EXOC6B: variants seen among roughly 807,000 people sequenced by gnomAD.
The protein encoded by EXOC6B is SEC15 homolog B.
EXOC6B carries 54 observed loss-of-function variants against 113.5 expected under a neutral mutation model. The observed-to-expected ratio is 0.48, with a 90% CI of 0.38 to 0.60. The LOEUF (loss-of-function observed/expected upper bound fraction) is 0.60. Among genes scored for constraint, EXOC6B ranks in the 20% least tolerant of loss-of-function variants. EXOC6B has a pLI of 0.00. For synonymous variants in EXOC6B, 357 were observed against 339.0 expected, an observed-to-expected ratio of 1.05 and a Z score of -0.58; for missense variants, 797 against 977.5, an observed-to-expected ratio of 0.82 and a Z score of 2.46.
intron 8 of EXOC6B, among the ~76,000 whole-genome samples, chr2:72,539,993 T>G (rs1030251030): frequency 7.7e-6 from 1 of 130,544 alleles, no homozygotes; most frequent in African/African-American, 2.9e-5. Flanking sequence ...TTCCCCTTCC[T>G]GTGTCCACGT....
chr2:72,669,453 G>A (rs944887373), intron 6 of EXOC6B, among the ~76,000 whole-genome samples: 4 of 151,324 alleles, frequency 2.6e-5, no homozygotes, highest in African/African-American at 7.3e-5. Context: ...ATGCTTCAGC[G>A]CTCCAAAAAC....
At chr2:72,412,995 G>C (rs56109129) in intron 18 of EXOC6B, among the ~76,000 whole-genome samples, 32,329 of 151,354 alleles carry the variant, frequency 0.21, 6,571 homozygotes, top group African/African-American at 0.54. Context: ...GTCTCGCTCT[G>C]TCACCCAGGC....
intron 1 of EXOC6B, among the ~76,000 whole-genome samples, chr2:72,813,139 G>C (rs1686016759): frequency 6.6e-6 from 1 of 152,138 alleles, no homozygotes; most frequent in Non-Finnish European, 1.5e-5. Flanking sequence ...ACCCAGCCTA[G>C]AGTACAGTGG....
At chr2:72,501,133 A>T (rs915103971) in intron 11 of EXOC6B, among the ~76,000 whole-genome samples, 10 of 152,154 alleles carry the variant, frequency 6.6e-5, no homozygotes, top group African/African-American at 2.2e-4. Context: ...AAACTTTTTA[A>T]TGCTTTGTCA....
chr2:72,662,801 C>G (rs148508581), intron 6 of EXOC6B, among the ~76,000 whole-genome samples: 5 of 152,116 alleles, frequency 3.3e-5, no homozygotes, highest in Middle Eastern at 3.4e-3. Flanking sequence ...CGCAGTGGCA[C>G]GATCTCAGCT....
intron 11 of EXOC6B, among the ~76,000 whole-genome samples, chr2:72,501,114 C>T (rs747092572): frequency 8.9e-4 from 136 of 152,216 alleles, no homozygotes; most frequent in Non-Finnish European, 1.5e-3. Flanking sequence ...CTCCTATAAA[C>T]ATAGTATAAA....
At chr2:72,744,436 A>G (rs181649596) in intron 1 of EXOC6B, among the ~76,000 whole-genome samples, 111 of 152,312 alleles carry the variant, frequency 7.3e-4, no homozygotes, top group African/African-American at 2.6e-3. Context: ...TTGCCTGAAA[A>G]AGCTGTTTGG....
chr2:72,400,964 C>A (rs1021144950), intron 18 of EXOC6B, among the ~76,000 whole-genome samples: 2 of 151,936 alleles, frequency 1.3e-5, no homozygotes, highest in Non-Finnish European at 2.9e-5. Context: ...GAAAAGAAAT[C>A]ACTACACCAA....
chr2:72,378,540 C>A (rs1437269336), intron 19 of EXOC6B, among the ~76,000 whole-genome samples: 2 of 152,130 alleles, frequency 1.3e-5, no homozygotes, highest in African/African-American at 4.8e-5. Flanking sequence ...GTAGTTTATC[C>A]AATTTACAAT....
At chr2:72,411,749 T>C (rs754437765) in intron 18 of EXOC6B, among the ~76,000 whole-genome samples, 2 of 152,040 alleles carry the variant, frequency 1.3e-5, no homozygotes, top group Non-Finnish European at 2.9e-5. Context: ...GCTCAGTAGG[T>C]ATATAACCTA....
intron 18 of EXOC6B, among the ~76,000 whole-genome samples, chr2:72,409,833 G>A (rs951535512): frequency 4.0e-5 from 6 of 151,826 alleles, no homozygotes; most frequent in Non-Finnish European, 8.8e-5. Context: ...AAACCTGCAC[G>A]TTGTGCACAT....
chr2:72,716,844 G>A (rs1032294570), intron 6 of EXOC6B, among the ~76,000 whole-genome samples: 2 of 152,002 alleles, frequency 1.3e-5, no homozygotes, highest in African/African-American at 4.8e-5. Context: ...TTCTCAAGCA[G>A]AGGCCTAGAA....
intron 18 of EXOC6B, among the ~76,000 whole-genome samples, chr2:72,410,660 A>G (rs1175144520): frequency 1.3e-5 from 2 of 152,236 alleles, no homozygotes; most frequent in Non-Finnish European, 2.9e-5. Flanking sequence ...GAGTACAGCA[A>G]TTTAGCTTTG....
chr2:72,412,936 TTC>T (rs1371856991), intron 18 of EXOC6B, among the ~76,000 whole-genome samples: 3 of 151,586 alleles, frequency 2.0e-5, no homozygotes, highest in Non-Finnish European at 1.5e-5. Flanking sequence ...TTCCTTCTCT[TTC>T]TCTCTTTCTC....
chr2:72,407,616 C>T (rs1302240220), intron 18 of EXOC6B, among the ~76,000 whole-genome samples: 1 of 152,172 alleles, frequency 6.6e-6, no homozygotes, highest in Non-Finnish European at 1.5e-5. Flanking sequence ...ACAAAAACCA[C>T]ATGATTATCT....
intron 1 of EXOC6B, among the ~76,000 whole-genome samples, chr2:72,809,283 TC>T (rs1685747753): frequency 6.6e-6 from 1 of 151,932 alleles, no homozygotes; most frequent in Non-Finnish European, 1.5e-5. Flanking sequence ...AAGATAGAGA[TC>T]AACAAAGTGG....
intron 6 of EXOC6B, among the ~76,000 whole-genome samples, chr2:72,594,866 ATAAT>A (rs1669966363): frequency 6.6e-6 from 1 of 152,218 alleles, no homozygotes; most frequent in African/African-American, 2.4e-5. Context: ...CAAATAGTAT[ATAAT>A]TAAAGAAAAA....
intron 17 of EXOC6B, among the ~76,000 whole-genome samples, chr2:72,471,468 T>C (rs111970829): frequency 0.14 from 21,040 of 152,090 alleles, 1,626 homozygotes; most frequent in African/African-American, 0.21. Context: ...TTTAGTTTAA[T>C]GAGATCCCAT....
chr2:72,570,214 G>A (rs936021685), intron 7 of EXOC6B, among the ~76,000 whole-genome samples: 10 of 152,078 alleles, frequency 6.6e-5, no homozygotes, highest in Admixed American at 2.6e-4. Flanking sequence ...ATGAGGATAC[G>A]GCTAGAAGGC....
Sources: allele counts gnomAD v4.1 joint callset (sites outside exome capture counted in the v4.1 genomes callset), GRCh38; gene constraint gnomAD v4.1.1; transcripts MANE v1.5; gene names NCBI Gene and HGNC (gene_info 2026-07-23, HGNC 2026-07-21).